Variants in OPRM1 observed in about 807,000 individuals in gnomAD.
The protein encoded by OPRM1 is opioid receptor mu 1.
OPRM1 carries 27 observed loss-of-function variants against 31.8 expected under a neutral mutation model. The ratio of observed to expected loss-of-function variants is 0.85; its 90% CI spans 0.63 to 1.17. The LOEUF (loss-of-function observed/expected upper bound fraction) is 1.17. Among genes scored for constraint, OPRM1 ranks in the 50% most tolerant of loss-of-function variants. The pLI is 0.00. For synonymous variants in OPRM1, 196 were observed against 189.9 expected (o/e 1.03, Z -0.26); for missense variants, 536 against 511.1 (o/e 1.05, Z -0.47).
intron 3 of OPRM1, chr6:154,156,831 G>A (rs1475095817): frequency 2.0e-5 from 3 of 152,184 alleles, no homozygotes; most frequent in Non-Finnish European, 1.5e-5. Flanking sequence ...ATCAGGCTCC[G>A]TTCTGGATCT....
chr6:154,186,862 A>G (rs1299662131), intron 3 of OPRM1, among the ~76,000 whole-genome samples: 1 of 152,068 alleles, frequency 6.6e-6, no homozygotes, highest in Non-Finnish European at 1.5e-5. Context: ...GGCCCAGAGC[A>G]GCTCTTTTCA....
chr6:154,160,197 TACG>T (rs968024915), intron 3 of OPRM1, among the ~76,000 whole-genome samples: 4 of 152,248 alleles, frequency 2.6e-5, no homozygotes, highest in South Asian at 2.1e-4. Context: ...GCTTAAGAAA[TACG>T]ACATTTGTTT....
At chr6:154,111,073 A>G (rs1053886792) in intron 3 of OPRM1, among the ~76,000 whole-genome samples, 4 of 152,200 alleles carry the variant, frequency 2.6e-5, no homozygotes, top group Admixed American at 1.3e-4. Context: ...AGAAGAAAGC[A>G]TATGGCAGAT....
At chr6:154,158,949 A>C (rs559670034) in intron 3 of OPRM1, 6 of 152,304 alleles carry the variant, frequency 3.9e-5, no homozygotes, top group Non-Finnish European at 7.3e-5. Flanking sequence ...AACAATTCAG[A>C]TGCCAAAGTC....
At chr6:154,159,708 G>C in intron 3 of OPRM1, 1 of 733,460 alleles carries the variant, frequency 1.4e-6, no homozygotes, top group Non-Finnish European at 2.3e-6. Flanking sequence ...TCTTTAGATG[G>C]GAAGCTGATG....
chr6:154,077,881 T>C (rs1463722037), intron 1 of OPRM1, among the ~76,000 whole-genome samples: 1 of 152,006 alleles, frequency 6.6e-6, no homozygotes, highest in Non-Finnish European at 1.5e-5. Context: ...TCTACTTTTT[T>C]TTTTTTAACT....
At chr6:154,060,625 T>G (rs1784207421) in intron 1 of OPRM1, among the ~76,000 whole-genome samples, 2 of 152,148 alleles carry the variant, frequency 1.3e-5, no homozygotes, top group Admixed American at 1.3e-4. Context: ...GTCTGAAAAC[T>G]GACAAACACT....
At chr6:154,088,067 C>A (rs1369092169) in intron 1 of OPRM1, among the ~76,000 whole-genome samples, 3 of 150,410 alleles carry the variant, frequency 2.0e-5, no homozygotes, top group African/African-American at 7.3e-5. Flanking sequence ...AACTCAGTTC[C>A]CATTAATAGG....
At chr6:154,137,379 G>T (rs1798085860) in intron 3 of OPRM1, among the ~76,000 whole-genome samples, 1 of 152,022 alleles carries the variant, frequency 6.6e-6, no homozygotes, top group Non-Finnish European at 1.5e-5. Context: ...GCTTGTGCAA[G>T]ACTAATAAAT....
At chr6:154,171,082 T>A (rs1799832382) in intron 3 of OPRM1, among the ~76,000 whole-genome samples, 1 of 151,970 alleles carries the variant, frequency 6.6e-6, no homozygotes, top group South Asian at 2.1e-4. Context: ...TCTCATGGAG[T>A]TTAGCATGTG....
At chr6:154,225,389 T>C (rs1420260518) in intron 3 of OPRM1, among the ~76,000 whole-genome samples, 1 of 152,234 alleles carries the variant, frequency 6.6e-6, no homozygotes, top group African/African-American at 2.4e-5. Context: ...GCTGTATCTA[T>C]ACAATGGGAT....
chr6:154,021,134 T>C (rs1378034345), intron 1 of OPRM1, among the ~76,000 whole-genome samples: 1 of 152,228 alleles, frequency 6.6e-6, no homozygotes, highest in Non-Finnish European at 1.5e-5. Flanking sequence ...AGCTGATGTT[T>C]GTGAAGAGTT....
At chr6:154,143,657 A>G (rs533716278) in intron 3 of OPRM1, among the ~76,000 whole-genome samples, 1 of 152,326 alleles carries the variant, frequency 6.6e-6, no homozygotes, top group South Asian at 2.1e-4. Context: ...GTTGAGAGGT[A>G]GGACGTTTAA....
intron 1 of OPRM1, among the ~76,000 whole-genome samples, chr6:154,085,733 A>C (rs963712420): frequency 1.2e-4 from 19 of 152,170 alleles, no homozygotes; most frequent in African/African-American, 4.3e-4. Context: ...ACTGAATGGC[A>C]AAGATAATTC....
chr6:154,196,778 C>T (rs1272665344), intron 3 of OPRM1, among the ~76,000 whole-genome samples: 2 of 152,156 alleles, frequency 1.3e-5, no homozygotes, highest in East Asian at 3.8e-4. Context: ...TGAATAATTC[C>T]TAGAGCTCTG....
intron 3 of OPRM1, among the ~76,000 whole-genome samples, chr6:154,180,413 TA>T (rs1318030967): frequency 5.2e-3 from 174 of 33,608 alleles, no homozygotes; most frequent in Middle Eastern, 0.021. Flanking sequence ...TATATATATA[TA>T]TTTTTTTTTT....
chr6:154,246,564 G>A, intron 3 of OPRM1: 6 of 1,589,250 alleles, frequency 3.8e-6, no homozygotes, highest in Non-Finnish European at 4.3e-6. Context: ...AAAACGGCTG[G>A]GAATAGGAGG....
At chr6:154,144,748 CAAAAAAAAAAA>C (rs58367883) in intron 3 of OPRM1, among the ~76,000 whole-genome samples, 13 of 70,506 alleles carry the variant, frequency 1.8e-4, no homozygotes, top group African/African-American at 6.8e-4. Flanking sequence ...GACTCTGTCT[CAAAAAAAAAAA>C]AAAAAAAAAA....
chr6:154,034,357 A>T (rs562240395), upstream of OPRM1, among the ~76,000 whole-genome samples: 1 of 152,320 alleles, frequency 6.6e-6, no homozygotes, highest in South Asian at 2.1e-4. Context: ...ATCCTGGCTA[A>T]CACGGTGAAA....
Sources: gnomAD v4.1 joint callset for allele counts (sites outside exome capture counted in the v4.1 genomes callset) on GRCh38, gnomAD v4.1.1 for gene constraint, MANE v1.5 for transcripts, NCBI Gene and HGNC (gene_info 2026-07-23, HGNC 2026-07-21) for gene names.